MTHFD2L: variants seen among roughly 807,000 people sequenced by gnomAD.
MTHFD2L encodes methylenetetrahydrofolate dehydrogenase (NADP+ dependent) 2 like.
In MTHFD2L, 29 loss-of-function variants were observed where a neutral mutation model predicts 34.9. The observed-to-expected ratio is 0.83, with a 90% CI of 0.62 to 1.13. The LOEUF (loss-of-function observed/expected upper bound fraction) is 1.13, where lower values mean the gene tolerates loss of function less well. Among genes scored for constraint, MTHFD2L ranks in the 50% most tolerant of loss-of-function variants. MTHFD2L has a pLI of 0.00. For synonymous variants in MTHFD2L, 167 were observed against 155.7 expected, an observed-to-expected ratio of 1.07 and a Z score of -0.54; for missense variants, 481 against 446.5, an observed-to-expected ratio of 1.08 and a Z score of -0.70.
intron 6 of MTHFD2L, among the ~76,000 whole-genome samples, chr4:74,251,081 C>T (rs1743242869): frequency 2.0e-5 from 3 of 152,136 alleles, no homozygotes; most frequent in Admixed American, 2.0e-4. Flanking sequence ...GAATAGAGTC[C>T]AATCTGAGTG....
upstream of MTHFD2L, chr4:74,157,512 A>G (rs1291879350): frequency 2.6e-6 from 1 of 382,868 alleles, no homozygotes; most frequent in Non-Finnish European, 5.2e-6. Context: ...CGACTTGATC[A>G]TAACTCAGGA....
chr4:74,197,286 C>T (rs1399317390), intron 3 of MTHFD2L, among the ~76,000 whole-genome samples: 1 of 151,984 alleles, frequency 6.6e-6, no homozygotes, highest in Non-Finnish European at 1.5e-5. Flanking sequence ...AGTTATGTGC[C>T]CCAAGGGTGA....
rs371753177 is a variant in MTHFD2L, at chr4:74,175,322, C to G, written c.370C>G (p.Gln124Glu). Residue 124 changes from glutamine to glutamate, a missense_variant, in exon 3 of 8, where the codon CAG becomes GAG. By Grantham distance (29) the Gln-to-Glu change is conservative. Transcript: ENST00000325278. The part of the protein sequence containing the change: ...ELILKPKDVS[Q>E]EELLDVTDQL... ...CATTCTAAAACCTAAGGATGTTTCT[C>G]AGGAAGAACTTTTGGACGTAACTGA... is the stretch of plus-strand genomic sequence containing the variant. 1.1e-5 allele frequency: 17 copies of G among 1,613,172 alleles called. No individual in the cohort carries two copies. Among genetic ancestry groups the G allele is most frequent in the Non-Finnish European group, 1.4e-5 (17 of 1,179,410 alleles).
At chr4:74,163,809 T>C (rs1725994544) in intron 1 of MTHFD2L, among the ~76,000 whole-genome samples, 1 of 152,204 alleles carries the variant, frequency 6.6e-6, no homozygotes, top group Admixed American at 6.5e-5. Context: ...AAACTGTATG[T>C]TAGGGCCTGG....
chr4:74,155,530 T>A (rs1348999186), upstream of MTHFD2L, among the ~76,000 whole-genome samples: 1 of 152,146 alleles, frequency 6.6e-6, no homozygotes, highest in South Asian at 2.1e-4. Flanking sequence ...CTAAATTGTG[T>A]AGTGAGAATT....
chr4:74,285,182 G>A (rs1748009434), intron 7 of MTHFD2L, among the ~76,000 whole-genome samples: 1 of 151,766 alleles, frequency 6.6e-6, no homozygotes, highest in Admixed American at 6.6e-5. Context: ...ACACACCGGG[G>A]CCTGTTGTGG....
chr4:74,172,624 G>A (rs555919180), intron 1 of MTHFD2L, among the ~76,000 whole-genome samples: 1 of 152,262 alleles, frequency 6.6e-6, no homozygotes, highest in Middle Eastern at 3.4e-3. Flanking sequence ...ATCACATGTA[G>A]GAAATTATTA....
At chr4:74,281,398 A>G in intron 6 of MTHFD2L, 27 bp from the exon 7 acceptor site, 3 of 1,606,882 alleles carry the variant, frequency 1.9e-6, no homozygotes, top group African/African-American at 1.3e-5. Flanking sequence ...GTTATGCTGA[A>G]GGACAAACAA....
chr4:74,217,102 G>T (rs937960840), intron 5 of MTHFD2L, among the ~76,000 whole-genome samples: 3 of 151,712 alleles, frequency 2.0e-5, no homozygotes. Flanking sequence ...CCCTGCCCTA[G>T]CCATATCTGC....
chr4:74,291,592 A>G (rs935690113), intron 7 of MTHFD2L, among the ~76,000 whole-genome samples: 1 of 152,186 alleles, frequency 6.6e-6, no homozygotes, highest in African/African-American at 2.4e-5. Flanking sequence ...CATACTAGGC[A>G]CTATTTGAGG....
intron 1 of MTHFD2L, among the ~76,000 whole-genome samples, chr4:74,146,747 G>A (rs543838337): frequency 7.2e-5 from 11 of 152,052 alleles, no homozygotes; most frequent in South Asian, 2.1e-4. Context: ...TTTCTCTTGC[G>A]CAACTTTTGC....
chr4:74,194,034 AG>A (rs1233152732), intron 3 of MTHFD2L: 4 of 152,160 alleles, frequency 2.6e-5, no homozygotes, highest in African/African-American at 9.7e-5. Flanking sequence ...TTAATTGTAA[AG>A]TTTTTTATAA....
chr4:74,165,484 A>G (rs1726487416), intron 1 of MTHFD2L, among the ~76,000 whole-genome samples: 1 of 152,022 alleles, frequency 6.6e-6, no homozygotes, highest in South Asian at 2.1e-4. Flanking sequence ...CAACCTCCCG[A>G]GTAGCTGGGA....
chr4:74,167,632 A>G (rs1727000263), intron 1 of MTHFD2L, among the ~76,000 whole-genome samples: 1 of 152,200 alleles, frequency 6.6e-6, no homozygotes, highest in Admixed American at 6.5e-5. Flanking sequence ...TGTGGGACAG[A>G]CTTGGCAAAG....
At chr4:74,296,382 CCA>C (rs1337464909) in intron 7 of MTHFD2L, among the ~76,000 whole-genome samples, 3 of 152,086 alleles carry the variant, frequency 2.0e-5, no homozygotes, top group Admixed American at 2.0e-4. Flanking sequence ...TAAAAAATGG[CCA>C]CACATTTATT....
intron 3 of MTHFD2L, among the ~76,000 whole-genome samples, chr4:74,175,929 A>G (rs1560448678): frequency 5.3e-5 from 8 of 152,162 alleles, no homozygotes; most frequent in African/African-American, 1.9e-4. Context: ...GTCTAATTCT[A>G]TAACTTATCA....
intron 6 of MTHFD2L, among the ~76,000 whole-genome samples, chr4:74,276,055 T>C (rs990292479): frequency 5.9e-5 from 9 of 152,160 alleles, no homozygotes; most frequent in African/African-American, 2.2e-4. Flanking sequence ...GCAAAGCAAG[T>C]CTTTTAACAT....
At chr4:74,218,620 C>A (rs535233405) in intron 5 of MTHFD2L, among the ~76,000 whole-genome samples, 1 of 151,538 alleles carries the variant, frequency 6.6e-6, no homozygotes, top group East Asian at 1.9e-4. Context: ...TCAAGCCCCC[C>A]CCCCACCACC....
At chr4:74,143,418 T>A (rs1439560213) in intron 1 of MTHFD2L, 1 of 985,394 alleles carries the variant, frequency 1.0e-6, no homozygotes, top group East Asian at 1.1e-4. Context: ...AAACACGGAT[T>A]TGAGCTCATT....
Sources: allele counts gnomAD v4.1 joint callset (sites outside exome capture counted in the v4.1 genomes callset), GRCh38; gene constraint gnomAD v4.1.1; transcripts MANE v1.5; gene names NCBI Gene and HGNC (gene_info 2026-07-23, HGNC 2026-07-21).